Variants in SPATA31G1 observed in about 807,000 individuals in gnomAD.
SPATA31G1 encodes SPATA31 subfamily G member 1.
chr9:35,043,053 G>A, the SPATA31G1 span: 1 of 1,614,168 alleles, frequency 6.2e-7, no homozygotes, highest in East Asian at 2.2e-5. Flanking sequence ...GCCATCCTGT[G>A]GTTCTGAGGG....
At chr9:35,045,054 T>C in the SPATA31G1 span, 2 of 1,614,180 alleles carry the variant, frequency 1.2e-6, no homozygotes, top group Admixed American at 3.3e-5. Context: ...AAGTCAATCA[T>C]TTTGCAGCTC....
the SPATA31G1 span, chr9:35,044,472 A>G: frequency 6.2e-7 from 1 of 1,614,100 alleles, no homozygotes; most frequent in African/African-American, 1.3e-5. Flanking sequence ...GCATGGAGCC[A>G]GCCCTCTGGG....
chr9:35,043,122 A>G, the SPATA31G1 span: 1 of 1,614,214 alleles, frequency 6.2e-7, no homozygotes, highest in East Asian at 2.2e-5. Context: ...GAGCCCTTCC[A>G]GATCCTTCCC....
chr9:35,042,471 A>G, the SPATA31G1 span: 7 of 1,614,200 alleles, frequency 4.3e-6, no homozygotes, highest in South Asian at 7.7e-5. Flanking sequence ...CTCTGGGAAT[A>G]TGGTGCAAGG....
At chr9:35,043,864 C>T in the SPATA31G1 span, 1 of 1,614,138 alleles carries the variant, frequency 6.2e-7, no homozygotes, top group Non-Finnish European at 8.5e-7. Context: ...AGATATAAGC[C>T]CCAGTGGGAA....
the SPATA31G1 span, chr9:35,044,104 CT>C: frequency 6.2e-7 from 1 of 1,614,164 alleles, no homozygotes; most frequent in African/African-American, 1.3e-5. Context: ...GGAGTCCTGT[CT>C]GAATCCAAAG....
the SPATA31G1 span, chr9:35,045,064 C>T: frequency 6.2e-7 from 1 of 1,614,212 alleles, no homozygotes; most frequent in East Asian, 2.2e-5. Flanking sequence ...TTTTGCAGCT[C>T]CCCTATTCTG....
chr9:35,042,325 A>G, the SPATA31G1 span: 3 of 1,614,126 alleles, frequency 1.9e-6, no homozygotes, highest in East Asian at 4.5e-5. Flanking sequence ...CAACTGACCC[A>G]TGCCCTAGCC....
At chr9:35,043,881 G>C in the SPATA31G1 span, 4 of 1,614,168 alleles carry the variant, frequency 2.5e-6, no homozygotes, top group Non-Finnish European at 3.4e-6. Context: ...GGAATGCAGA[G>C]AAAACTCAGG....
At chr9:35,044,572 C>A in the SPATA31G1 span, 1 of 1,614,016 alleles carries the variant, frequency 6.2e-7, no homozygotes, top group African/African-American at 1.3e-5. Context: ...TCCAGCCCAT[C>A]CTCAAACTCT....
chr9:35,042,417 A>C, the SPATA31G1 span: 2 of 1,614,220 alleles, frequency 1.2e-6, no homozygotes, highest in Non-Finnish European at 1.7e-6. Flanking sequence ...GCAGATTCAG[A>C]GATGGTGGCA....
the SPATA31G1 span, chr9:35,041,140 G>A: frequency 2.2e-6 from 1 of 454,346 alleles, no homozygotes; most frequent in African/African-American, 2.0e-5. Flanking sequence ...AAGTTAACTT[G>A]TGGAATGCTG....
the SPATA31G1 span, chr9:35,044,897 G>T: frequency 6.2e-7 from 1 of 1,614,110 alleles, no homozygotes; most frequent in Non-Finnish European, 8.5e-7. Flanking sequence ...CGTGCCCAGG[G>T]GTTAAGGCAG....
At chr9:35,045,375 C>T in the SPATA31G1 span, 1,190 of 1,614,094 alleles carry the variant, frequency 7.4e-4, 19 homozygotes, top group East Asian at 0.023. Context: ...CTATCTATCT[C>T]CAGGCCCAGG....
At chr9:35,041,417 AC>A in the SPATA31G1 span, 1 of 208,670 alleles carries the variant, frequency 4.8e-6, no homozygotes, top group African/African-American at 2.4e-5. Flanking sequence ...TTTACTTTTT[AC>A]ATCCTCAAAA....
the SPATA31G1 span, chr9:35,041,911 G>A: frequency 5.1e-6 from 1 of 197,234 alleles, no homozygotes; most frequent in Non-Finnish European, 1.1e-5. Flanking sequence ...TAAAGATAAT[G>A]ATATCTTTAT....
chr9:35,044,085 G>A, the SPATA31G1 span: 1 of 1,613,914 alleles, frequency 6.2e-7, no homozygotes, highest in East Asian at 2.2e-5. Flanking sequence ...TCTAGTAATG[G>A]GCCCCCAGGG....
chr9:35,042,875 G>A, the SPATA31G1 span: 1 of 1,613,998 alleles, frequency 6.2e-7, no homozygotes, highest in Non-Finnish European at 8.5e-7. Context: ...TACCACTTCT[G>A]CACCGTGTGG....
the SPATA31G1 span, chr9:35,042,366 A>G: frequency 2.5e-6 from 4 of 1,614,256 alleles, no homozygotes; most frequent in South Asian, 4.4e-5. Context: ...CTGCTTCCAG[A>G]GTCCAGGAAA....
Sources: gnomAD v4.1 joint callset for allele counts on GRCh38, gnomAD v4.1.1 for gene constraint, MANE v1.5 for transcripts, NCBI Gene and HGNC (gene_info 2026-07-23, HGNC 2026-07-21) for gene names.